Variants in PCDH7 observed in about 807,000 individuals in gnomAD.
The protein encoded by PCDH7 is protocadherin 7.
In PCDH7, 17 loss-of-function variants were observed where a neutral mutation model predicts 58.9. That is an observed-to-expected ratio of 0.29 (90% confidence interval 0.20 to 0.43). The LOEUF is 0.43. Ranked by LOEUF, PCDH7 falls within the 20% of genes least tolerant of loss-of-function variation. The probability of loss-of-function intolerance (pLI) is 1.00; values close to 1 mark genes in which losing one functional copy is unlikely to be tolerated. For missense variants in PCDH7, 1,274 were observed against 1,441.0 expected, an observed-to-expected ratio of 0.88 and a Z score of 1.88; for synonymous variants, 664 against 616.4, an observed-to-expected ratio of 1.08 and a Z score of -1.14.
chr4:30,822,516 G>A (rs983606179), intron 1 of PCDH7, among the ~76,000 whole-genome samples: 19 of 152,234 alleles, frequency 1.2e-4, no homozygotes, highest in African/African-American at 3.6e-4. Flanking sequence ...GGTGCTGTAA[G>A]CCTTAAATAG....
At chr4:31,119,786 A>G (rs557482436) in intron 3 of PCDH7, among the ~76,000 whole-genome samples, 2 of 152,088 alleles carry the variant, frequency 1.3e-5, no homozygotes, top group Non-Finnish European at 2.9e-5. Flanking sequence ...AGTTATACAC[A>G]TGCTCCAGAA....
chr4:30,778,747 A>G (rs894924930), intron 1 of PCDH7, among the ~76,000 whole-genome samples: 7 of 152,136 alleles, frequency 4.6e-5, no homozygotes, highest in East Asian at 3.9e-4. Context: ...GCATTTCACA[A>G]CTGGGTTGTA....
At chr4:31,127,084 A>G (rs1718400372) in intron 3 of PCDH7, among the ~76,000 whole-genome samples, 2 of 152,196 alleles carry the variant, frequency 1.3e-5, no homozygotes, top group Admixed American at 6.5e-5. Flanking sequence ...GGCAAAAACA[A>G]AAACAAAAAA....
At chr4:31,105,883 T>C (rs1363702783) in intron 3 of PCDH7, among the ~76,000 whole-genome samples, 2 of 151,836 alleles carry the variant, frequency 1.3e-5, no homozygotes, top group Non-Finnish European at 2.9e-5. Context: ...GGCGGGCGCC[T>C]GTAGTCCCAG....
intron 3 of PCDH7, among the ~76,000 whole-genome samples, chr4:30,994,445 T>G (rs1208028443): frequency 6.6e-6 from 1 of 152,206 alleles, no homozygotes; most frequent in African/African-American, 2.4e-5. Context: ...TCATTTTATC[T>G]TCGTTCTGTA....
At chr4:31,038,074 A>G (rs1176489286) in intron 3 of PCDH7, among the ~76,000 whole-genome samples, 1 of 152,256 alleles carries the variant, frequency 6.6e-6, no homozygotes, top group Non-Finnish European at 1.5e-5. Flanking sequence ...CTGACCTGCA[A>G]TTCTAGAATT....
At chr4:30,866,216 T>C (rs1246841696) in intron 1 of PCDH7, among the ~76,000 whole-genome samples, 1 of 152,080 alleles carries the variant, frequency 6.6e-6, no homozygotes, top group African/African-American at 2.4e-5. Context: ...AAGCTTAACT[T>C]TATTTACATG....
intron 3 of PCDH7, among the ~76,000 whole-genome samples, chr4:31,085,851 CTCTT>C (rs1712351611): frequency 7.1e-6 from 1 of 140,544 alleles, no homozygotes; most frequent in Non-Finnish European, 1.5e-5. Flanking sequence ...CTCTCTCTCT[CTCTT>C]TTTTTTTTTT....
chr4:30,924,209 C>T (rs1236598939), intron 2 of PCDH7, among the ~76,000 whole-genome samples: 1 of 152,100 alleles, frequency 6.6e-6, no homozygotes, highest in Non-Finnish European at 1.5e-5. Context: ...TTTGCCTTTG[C>T]TATGTAAGTC....
chr4:30,781,153 T>G (rs1185051204), intron 1 of PCDH7, among the ~76,000 whole-genome samples: 2 of 152,136 alleles, frequency 1.3e-5, no homozygotes, highest in African/African-American at 2.4e-5. Context: ...AATCCTGGGA[T>G]TCCATGATTT....
At chr4:30,913,972 TG>T (rs1398727615) in intron 1 of PCDH7, among the ~76,000 whole-genome samples, 2 of 152,150 alleles carry the variant, frequency 1.3e-5, no homozygotes, top group Non-Finnish European at 2.9e-5. Flanking sequence ...AAATGATCAC[TG>T]TAATCGCACA....
At chr4:30,819,123 C>T (rs1260827703) in intron 1 of PCDH7, among the ~76,000 whole-genome samples, 1 of 152,122 alleles carries the variant, frequency 6.6e-6, no homozygotes, top group East Asian at 1.9e-4. Context: ...TTCTTGTTTT[C>T]TGTGAGGGTA....
chr4:30,754,924 C>T (rs1056207523), intron 1 of PCDH7, among the ~76,000 whole-genome samples: 2 of 152,156 alleles, frequency 1.3e-5, no homozygotes, highest in Admixed American at 6.6e-5. Flanking sequence ...ATCTATTATA[C>T]GCCAGACTCC....
In PCDH7 at chr4:30,723,984, T is replaced by C. The variant is rs1273617796; in HGVS notation, c.2562T>C (p.Ala854=). Reference sequence around the variant, plus strand: ...CAACTGCGATTGACTCCCAGATAGCTAGAAGTTTGCACATCCCACTCACCC... The same window carrying C: ...CAACTGCGATTGACTCCCAGATAGCCAGAAGTTTGCACATCCCACTCACCC... Residue 854 remains alanine, a synonymous_variant, in exon 1 of 2, where the codon GCT becomes GCC. Coordinates refer to ENST00000361762, the Ensembl canonical transcript of PCDH7. The surrounding 1 kb of genome is among the most constrained non-coding windows in gnomAD (Gnocchi z 4.6). 1.2e-6 allele frequency: 2 copies of C among 1,614,154 alleles called. No homozygotes were observed. The highest frequency in any genetic ancestry group is 1.1e-5 in the South Asian group (1 of 91,078).
chr4:30,827,535 A>G (rs1165236109), intron 1 of PCDH7, among the ~76,000 whole-genome samples: 2 of 152,158 alleles, frequency 1.3e-5, no homozygotes, highest in Non-Finnish European at 2.9e-5. Context: ...TCATCTACTC[A>G]GAAATAAAAA....
chr4:30,827,845 T>A (rs1295118821), intron 1 of PCDH7, among the ~76,000 whole-genome samples: 1 of 152,126 alleles, frequency 6.6e-6, no homozygotes, highest in Non-Finnish European at 1.5e-5. Flanking sequence ...AGGATCAAGT[T>A]GTTGAAGGAG....
downstream of PCDH7, chr4:31,144,785 G>A (rs1720569519): frequency 6.6e-6 from 1 of 151,930 alleles, no homozygotes; most frequent in African/African-American, 2.4e-5. Context: ...TAATAGGTAG[G>A]ATGCAAAAAG....
At chr4:31,060,052 G>A (rs13130808) in intron 3 of PCDH7, among the ~76,000 whole-genome samples, 1 of 151,622 alleles carries the variant, frequency 6.6e-6, no homozygotes, top group Non-Finnish European at 1.5e-5. Flanking sequence ...AAGAAATGTA[G>A]AGTGTGCTGA....
chr4:31,041,674 T>C (rs1161348094), intron 3 of PCDH7, among the ~76,000 whole-genome samples: 1 of 152,102 alleles, frequency 6.6e-6, no homozygotes, highest in East Asian at 1.9e-4. Flanking sequence ...TATTTACATT[T>C]TCATTAGGGC....
Sources: gnomAD v4.1 joint callset for allele counts (sites outside exome capture counted in the v4.1 genomes callset) on GRCh38, gnomAD v4.1.1 for gene constraint, Gnocchi (gnomAD v3.1) non-coding constraint, MANE v1.5 for transcripts, NCBI Gene and HGNC (gene_info 2026-07-23, HGNC 2026-07-21) for gene names.